Variants in KDM6A observed in about 807,000 individuals in gnomAD.
The protein encoded by KDM6A is lysine-specific demethylase 6A.
KDM6A carries 11 observed loss-of-function variants against 117.6 expected under a neutral mutation model. That is an observed-to-expected ratio of 0.09 (90% CI 0.06 to 0.15). The LOEUF (loss-of-function observed/expected upper bound fraction) is 0.15. KDM6A is among the 10% of genes least tolerant of loss of function. The pLI is 1.00. For missense variants in KDM6A, 799 were observed against 1,077.3 expected (o/e 0.74, Z 3.62); for synonymous variants, 384 against 396.1 (o/e 0.97, Z 0.36).
At chrX:44,938,384 C>G (rs1241719572) in intron 2 of KDM6A, among the ~76,000 whole-genome samples, 2 of 111,900 alleles carry the variant, frequency 1.8e-5, no homozygotes, top group African/African-American at 6.5e-5. Context: ...CGAACCAGCC[C>G]CACAGCATTG....
chrX:44,983,603 C>T (rs1602440920), intron 4 of KDM6A, among the ~76,000 whole-genome samples: 1 of 98,023 alleles, frequency 1.0e-5, no homozygotes, highest in African/African-American at 3.8e-5. Context: ...GTGATGTTCC[C>T]CTTCCTGTGT....
chrX:44,999,373 T>G, intron 4 of KDM6A, among the ~76,000 whole-genome samples: 1 of 111,088 alleles, frequency 9.0e-6, no homozygotes, highest in East Asian at 2.8e-4. Context: ...GTTCCCCTAT[T>G]GGCGAGGGTT....
chrX:44,978,210 C>A lies in KDM6A; in HGVS notation c.384+3495C>A, dbSNP rs192403061. Among the ~76,000 whole-genome samples, 27 of 112,048 alleles carry A rather than the reference C, an allele frequency of 2.4e-4. No homozygotes were observed. In the Admixed American group the frequency reaches 2.5e-3, roughly 11 times the overall value. ...ATATTTTACATTTAAATTTCTGATCCGTTTGGGTTTTATTCTTGACTTACA... is the reference window on the plus strand; with the variant it reads ...ATATTTTACATTTAAATTTCTGATCAGTTTGGGTTTTATTCTTGACTTACA... On this transcript the variant is annotated intron_variant, in intron 4 of 29. Coordinates refer to ENST00000611820, the MANE Select transcript of KDM6A (RefSeq NM_001291415.2).
intron 6 of KDM6A, among the ~76,000 whole-genome samples, chrX:45,031,741 G>T (rs1236193472): frequency 8.9e-6 from 1 of 111,769 alleles, no homozygotes; most frequent in Non-Finnish European, 1.9e-5. Flanking sequence ...GAGGTAATCA[G>T]ACTATATACA....
At chrX:45,034,169 T>C (rs2042717235) in intron 6 of KDM6A, among the ~76,000 whole-genome samples, 1 of 111,731 alleles carries the variant, frequency 9.0e-6, no homozygotes, top group Admixed American at 9.6e-5. Context: ...TATCTTAATT[T>C]ATATACCTTG....
chrX:45,040,424 G>T (rs1308529405), intron 8 of KDM6A, among the ~76,000 whole-genome samples: 3 of 84,969 alleles, frequency 3.5e-5, no homozygotes, highest in African/African-American at 9.0e-5. Context: ...CCTCCCAGAC[G>T]GGGCGGCTGG....
At chrX:44,874,229 C>T (rs1286347796) in intron 2 of KDM6A, among the ~76,000 whole-genome samples, 1 of 111,797 alleles carries the variant, frequency 8.9e-6, no homozygotes, top group Non-Finnish European at 1.9e-5. Context: ...GGGCCGGGCT[C>T]AACTGGGTCG....
At chrX:44,980,784 C>A (rs1464945729) in intron 4 of KDM6A, among the ~76,000 whole-genome samples, 3 of 106,999 alleles carry the variant, frequency 2.8e-5, no homozygotes, top group Middle Eastern at 4.8e-3. Flanking sequence ...TGTGGATGCC[C>A]GTTAGTTTTT....
intron 2 of KDM6A, among the ~76,000 whole-genome samples, chrX:44,937,768 A>G (rs1247201906): frequency 8.9e-6 from 1 of 112,078 alleles, no homozygotes; most frequent in African/African-American, 3.2e-5. Context: ...AAAGCTAGAA[A>G]TGATTAAGCT....
At chrX:44,878,067 G>A (rs764378174) in intron 2 of KDM6A, among the ~76,000 whole-genome samples, 5 of 111,261 alleles carry the variant, frequency 4.5e-5, no homozygotes, top group Admixed American at 2.9e-4. Flanking sequence ...TTGTTTGCTG[G>A]CACTTAAAGG....
chrX:44,893,762 T>C (rs1382508305), intron 2 of KDM6A, among the ~76,000 whole-genome samples: 1 of 110,823 alleles, frequency 9.0e-6, no homozygotes, highest in African/African-American at 3.3e-5. Flanking sequence ...TGTCCTAAAG[T>C]TGTAGATTTT....
intron 25 of KDM6A, 72 bp from the exon 26 acceptor site, chrX:45,089,671 C>A: frequency 2.6e-6 from 2 of 761,378 alleles, no homozygotes; most frequent in Non-Finnish European, 3.9e-6. Flanking sequence ...AAATTTGTGA[C>A]ATTTTCTTCC....
At chrX:45,005,952 CA>C in intron 4 of KDM6A, among the ~76,000 whole-genome samples, 3 of 57,215 alleles carry the variant, frequency 5.2e-5, no homozygotes, top group African/African-American at 2.9e-4. Flanking sequence ...TACTTCACCT[CA>C]CCCCCCCACC....
intron 3 of KDM6A, among the ~76,000 whole-genome samples, chrX:44,964,651 A>G (rs906862929): frequency 1.4e-4 from 16 of 111,520 alleles, no homozygotes; most frequent in African/African-American, 5.2e-4. Context: ...AGTTCTCAAC[A>G]GTGGGCTGAA....
rs1021560713 is a variant in KDM6A at position 45,001,619 on chromosome X, T to C, written c.385-9342T>C. ...ATAACAAGGCAAGCATCAAATGCAA[T>C]AGTTTGAGGCAAAATTGACTTGGTT... On this transcript the variant is annotated intron_variant, in intron 4 of 29. Coordinates refer to ENST00000611820, the MANE Select transcript of KDM6A (RefSeq NM_001291415.2). Among the ~76,000 whole-genome samples the C allele has an allele frequency of 3.6e-5, 4 of 111,705 alleles. No homozygotes were observed. In the Admixed American group the frequency reaches 3.8e-4, roughly 11 times the overall value.
chrX:44,922,063 T>TTTTTTTTTTTTTTTTTTTTTTTG (rs2035988093), intron 2 of KDM6A, among the ~76,000 whole-genome samples: 1 of 75,030 alleles, frequency 1.3e-5, no homozygotes, highest in Non-Finnish European at 2.5e-5. Context: ...TTTTTTTTTT[T>TTTTTTTTTTTTTTTTTTTTTTTG]TAAGAGACAG....
intron 2 of KDM6A, among the ~76,000 whole-genome samples, chrX:44,952,467 TTCA>T (rs2038070564): frequency 1.8e-5 from 2 of 110,062 alleles, no homozygotes; most frequent in Admixed American, 1.9e-4. Context: ...GAGGCAGGTT[TTCA>T]TCATGTTGGC....
chrX:44,979,436 C>A (rs1253864769), intron 4 of KDM6A, among the ~76,000 whole-genome samples: 2 of 107,637 alleles, frequency 1.9e-5, no homozygotes, highest in African/African-American at 3.4e-5. Flanking sequence ...TCCTTATCTT[C>A]TTCCTCTTCT....
chrX:44,881,675 G>A (rs1332898309), intron 2 of KDM6A, among the ~76,000 whole-genome samples: 2 of 105,966 alleles, frequency 1.9e-5, no homozygotes, highest in Admixed American at 1.0e-4. Context: ...AATTTTCTCT[G>A]TGGTACTATT....
Sources: allele counts gnomAD v4.1 joint callset (sites outside exome capture counted in the v4.1 genomes callset), GRCh38; gene constraint gnomAD v4.1.1; transcripts MANE v1.5; gene names NCBI Gene and HGNC (gene_info 2026-07-23, HGNC 2026-07-21).